ATP10A: variants seen among roughly 807,000 people sequenced by gnomAD.
ATP10A encodes the protein ATPase phospholipid transporting 10A (putative).
Under a neutral mutation model 147.8 loss-of-function variants are expected in ATP10A, and 111 were observed. That is an observed-to-expected ratio of 0.75 (90% confidence interval 0.64 to 0.88). ATP10A has a LOEUF of 0.88. Ranked by LOEUF, ATP10A falls within the 40% of genes least tolerant of loss-of-function variation. The probability of loss-of-function intolerance (pLI) is 0.00; values close to 1 mark genes in which losing one functional copy is unlikely to be tolerated. For synonymous variants in ATP10A, 875 were observed against 841.6 expected (o/e 1.04, Z -0.69); for missense variants, 1,927 against 1,959.0 (o/e 0.98, Z 0.31).
At chr15:25,743,649 A>T (rs145146749) in intron 2 of ATP10A, among the ~76,000 whole-genome samples, 129 of 152,230 alleles carry the variant, frequency 8.5e-4, no homozygotes, top group African/African-American at 3.1e-3. Flanking sequence ...AATGAACACA[A>T]ATGTGGTTGC....
chr15:25,677,435 ACT>A (rs1166569205), downstream of ATP10A: 1 of 151,750 alleles, frequency 6.6e-6, no homozygotes, highest in East Asian at 1.9e-4. Context: ...GCAAGCATCT[ACT>A]CTCCAGAGGA....
At chr15:25,824,044 G>A (rs1892003377) in intron 1 of ATP10A, among the ~76,000 whole-genome samples, 1 of 152,078 alleles carries the variant, frequency 6.6e-6, no homozygotes, top group Admixed American at 6.6e-5. Context: ...GAAAATGGGG[G>A]CTGTAGTTTA....
In ATP10A at chr15:25,727,763, T is replaced by G. The variant is rs552458264; in HGVS notation, c.741-497A>C. Among the ~76,000 whole-genome samples, 13 of 152,386 alleles carry G rather than the reference T, an allele frequency of 8.5e-5. No individual in the cohort carries two copies. The East Asian group carries it at 2.5e-3, about 29-fold the overall frequency. On this transcript the variant is annotated intron_variant, in intron 3 of 20. Transcript: ENST00000555815. ...AGAAGTTATAAAGTTATTAGAAGTA[T>G]TAATATATGTGGTCTGAAATGTGGT...
At position 25,699,739 on chromosome 15, in the gene ATP10A, G is replaced by A. The variant is rs181755691; in HGVS notation, c.2760+2177C>T. ...AAAAATTAGCCAGGTATGCTTGTGC[G>A]CTCCTGTGGTCCCAGGTACTAGGGA... is the stretch of plus-strand genomic sequence containing the variant. On this transcript the variant is annotated intron_variant, in intron 13 of 20. Coordinates refer to ENST00000555815, the MANE Select transcript of ATP10A (RefSeq NM_024490.4). 4.7e-4 allele frequency among the ~76,000 whole-genome samples: 72 copies of A among 152,178 alleles called. 1 individual carries two copies. Among genetic ancestry groups the A allele is most frequent in the Non-Finnish European group, 3.5e-4 (24 of 67,998 alleles).
chr15:25,769,090 G>A (rs865891808), intron 2 of ATP10A, among the ~76,000 whole-genome samples: 3 of 152,040 alleles, frequency 2.0e-5, no homozygotes, highest in South Asian at 4.1e-4. Flanking sequence ...GCATGCACAC[G>A]CGCTCCAATA....
chr15:25,732,558 C>CTACATGCGACACCTTCTTTTTTTTTTTTT (rs1555461688), intron 3 of ATP10A, among the ~76,000 whole-genome samples: 3 of 84,144 alleles, frequency 3.6e-5, no homozygotes, highest in African/African-American at 4.6e-5. Flanking sequence ...GCGACACCTT[C>CTACATGCGACACCTTCTTTTTTTTTTTTT]TTTTTTTTTT....
chr15:25,745,576 G>C, intron 2 of ATP10A, among the ~76,000 whole-genome samples: 1 of 152,102 alleles, frequency 6.6e-6, no homozygotes, highest in Admixed American at 6.6e-5. Flanking sequence ...AAGAGAGAGA[G>C]AGAAGGAAAT....
chr15:25,849,173 T>G (rs1893167804), intron 1 of ATP10A, among the ~76,000 whole-genome samples: 1 of 152,018 alleles, frequency 6.6e-6, no homozygotes, highest in Non-Finnish European at 1.5e-5. Flanking sequence ...CCCTAGCTGC[T>G]TGGTGGCTGG....
At chr15:25,766,265 G>T (rs563743284) in intron 2 of ATP10A, among the ~76,000 whole-genome samples, 1 of 152,170 alleles carries the variant, frequency 6.6e-6, no homozygotes, top group African/African-American at 2.4e-5. Context: ...TACAATTCAA[G>T]TTGAGATTTG....
intron 2 of ATP10A, among the ~76,000 whole-genome samples, chr15:25,760,291 C>T (rs1440460726): frequency 6.6e-6 from 1 of 152,118 alleles, no homozygotes; most frequent in Admixed American, 6.5e-5. Context: ...GATGTTTAGC[C>T]TTCGAGTGAC....
chr15:25,728,441 A>G (rs1424233664), intron 3 of ATP10A, among the ~76,000 whole-genome samples: 1 of 152,188 alleles, frequency 6.6e-6, no homozygotes, highest in Non-Finnish European at 1.5e-5. Context: ...GCCAAGACGG[A>G]GTAAGGTTTT....
At chr15:25,835,092 G>A (rs1268886218) in intron 1 of ATP10A, among the ~76,000 whole-genome samples, 2 of 152,002 alleles carry the variant, frequency 1.3e-5, no homozygotes, top group African/African-American at 2.4e-5. Flanking sequence ...GTGAGACCCA[G>A]TCTCTACCAA....
intron 2 of ATP10A, among the ~76,000 whole-genome samples, chr15:25,747,346 T>C (rs946791177): frequency 1.3e-5 from 2 of 149,816 alleles, no homozygotes; most frequent in African/African-American, 4.9e-5. Flanking sequence ...TCAAAGATTG[T>C]GGGATATTGC....
intron 1 of ATP10A, among the ~76,000 whole-genome samples, chr15:25,814,248 T>C (rs1891554299): frequency 6.6e-6 from 1 of 152,124 alleles, no homozygotes; most frequent in Admixed American, 6.5e-5. Flanking sequence ...TGTCAGGAAG[T>C]GAAAGAAAAC....
intron 10 of ATP10A, among the ~76,000 whole-genome samples, chr15:25,712,828 G>C (rs1901525299): frequency 6.6e-6 from 1 of 152,112 alleles, no homozygotes; most frequent in Non-Finnish European, 1.5e-5. Flanking sequence ...ATGGGGACAT[G>C]GATTTCCTGT....
At chr15:25,707,741 C>A (rs1469506303) in intron 12 of ATP10A, among the ~76,000 whole-genome samples, 9 of 152,292 alleles carry the variant, frequency 5.9e-5, no homozygotes, top group African/African-American at 1.2e-4. Flanking sequence ...TAAGGGGAAG[C>A]GTGGCAGCTG....
At chr15:25,750,492 T>G (rs9920975) in intron 2 of ATP10A, among the ~76,000 whole-genome samples, 30 of 150,276 alleles carry the variant, frequency 2.0e-4, no homozygotes, top group Non-Finnish European at 4.0e-4. Context: ...AATTGGAAAT[T>G]TGGATCTACA....
chr15:25,819,930 A>G (rs1223714838), intron 1 of ATP10A, among the ~76,000 whole-genome samples: 3 of 152,018 alleles, frequency 2.0e-5, no homozygotes, highest in Non-Finnish European at 4.4e-5. Context: ...AAAAGGGGGG[A>G]GGGCGGAAGG....
intron 2 of ATP10A, among the ~76,000 whole-genome samples, chr15:25,740,308 T>C (rs955622823): frequency 2.0e-5 from 3 of 152,244 alleles, no homozygotes; most frequent in African/African-American, 7.2e-5. Context: ...AGCCATTGGG[T>C]GAGCACACAG....
Sources: allele counts gnomAD v4.1 joint callset (sites outside exome capture counted in the v4.1 genomes callset), GRCh38; gene constraint gnomAD v4.1.1; transcripts MANE v1.5; gene names NCBI Gene and HGNC (gene_info 2026-07-23, HGNC 2026-07-21).